IL1RL2: variants seen among roughly 807,000 people sequenced by gnomAD.
IL1RL2 encodes interleukin 1 receptor like 2.
Under a neutral mutation model 66.8 loss-of-function variants are expected in IL1RL2, and 68 were observed. That is an observed-to-expected ratio of 1.02 (90% CI 0.84 to 1.25). The LOEUF (loss-of-function observed/expected upper bound fraction) is 1.25. Among genes scored for constraint, IL1RL2 ranks in the 50% most tolerant of loss-of-function variants. The probability of loss-of-function intolerance (pLI) is 0.00; values close to 1 mark genes in which losing one functional copy is unlikely to be tolerated. For synonymous variants in IL1RL2, 305 were observed against 264.6 expected (o/e 1.15, Z -1.48); for missense variants, 729 against 709.3 (o/e 1.03, Z -0.32).
intron 8 of IL1RL2, among the ~76,000 whole-genome samples, chr2:102,224,887 A>G (rs35148944): frequency 6.6e-6 from 1 of 152,284 alleles, no homozygotes; most frequent in African/African-American, 2.4e-5. Context: ...TTTTAAAATT[A>G]AAGTGCTCTA....
Position 102,187,216 on chromosome 2 carries a change from C to A in IL1RL2, c.-13+130C>A, listed in dbSNP as rs920932698. ...CCAGGGATCAGGCCCCCCAGGCCGGCCCCCGACCGGCTAGGTGACCATGGG... is the reference window on the plus strand; with the variant it reads ...CCAGGGATCAGGCCCCCCAGGCCGGACCCCGACCGGCTAGGTGACCATGGG... On this transcript the variant is annotated intron_variant, in intron 1 of 11. Transcript: ENST00000264257. 4.1e-6 allele frequency: 5 copies of A among 1,206,164 alleles called. No homozygotes were observed. In the African/African-American group the frequency reaches 7.8e-5, roughly 19 times the overall value. 74.7% of individuals were successfully genotyped at this position (1,206,164 alleles called of 1,614,324 possible). A position where few individuals can be genotyped will look rare whatever the true frequency, so the allele number is the denominator to read the frequency against.
chr2:102,235,544 T>G (rs2104900971), intron 11 of IL1RL2: 4 of 985,420 alleles, frequency 4.1e-6, no homozygotes, highest in Non-Finnish European at 4.8e-6. Flanking sequence ...GAGGCCTGGA[T>G]GGATACAGCA....
intron 10 of IL1RL2, among the ~76,000 whole-genome samples, chr2:102,233,697 G>C (rs1674556224): frequency 2.0e-5 from 3 of 152,092 alleles, no homozygotes; most frequent in African/African-American, 7.2e-5. Flanking sequence ...ATGGGGATGG[G>C]GTGCTTCCCT....
intron 2 of IL1RL2, 91 bp downstream of exon 2, chr2:102,188,016 C>A (rs34547811): frequency 2.7e-5 from 36 of 1,314,826 alleles, no homozygotes; most frequent in African/African-American, 2.6e-4. Flanking sequence ...CGCGTCAGCC[C>A]GAGCGCGGCT....
chr2:102,233,330 G>T lies in IL1RL2; in HGVS notation c.1297+206G>T, dbSNP rs985034436. On this transcript the variant is annotated intron_variant, in intron 10 of 11. Transcript: ENST00000264257. Reference sequence around the variant, plus strand: ...CTTTGCCTGCTCTAGGCTCCTCCCTGCCCCGCAGTGCCTGAGATTCCTGCT... The same window carrying T: ...CTTTGCCTGCTCTAGGCTCCTCCCTTCCCCGCAGTGCCTGAGATTCCTGCT... 1.3e-5 allele frequency among the ~76,000 whole-genome samples: 2 copies of T among 152,022 alleles called. 1 individual carries two copies. Among genetic ancestry groups the T allele is most frequent in the Non-Finnish European group, 2.9e-5 (2 of 68,024 alleles).
intron 4 of IL1RL2, among the ~76,000 whole-genome samples, chr2:102,196,081 T>C (rs998245573): frequency 6.6e-6 from 1 of 152,108 alleles, no homozygotes; most frequent in Non-Finnish European, 1.5e-5. Flanking sequence ...TGCTTTTCCT[T>C]TTTCTGAAAT....
chr2:102,195,605 C>CTTTCTT (rs1338835476), intron 4 of IL1RL2, among the ~76,000 whole-genome samples: 1 of 17,860 alleles, frequency 5.6e-5, no homozygotes, highest in Non-Finnish European at 1.3e-4. Context: ...TTCTTTCTTT[C>CTTTCTT]TTTCTTTCTT....
chr2:102,239,400 G>T lies in IL1RL2; in HGVS notation c.*159G>T. The T allele has an allele frequency of 1.5e-6, 1 of 656,734 alleles. No homozygotes were observed. The highest frequency in any genetic ancestry group is 2.9e-5 in the East Asian group (1 of 34,134). 40.7% of individuals were successfully genotyped at this position (656,734 alleles called of 1,614,324 possible). A position where few individuals can be genotyped will look rare whatever the true frequency, so the allele number is the denominator to read the frequency against. On this transcript the variant is annotated 3_prime_UTR_variant, in exon 12 of 12. Transcript: ENST00000264257. ...AGAAGAGGAGGATGGGATAAGAACT[G>T]GGGCCATCCCCATGTCATGGTGGGT...
intron 9 of IL1RL2, 100 bp from the exon 10 acceptor site, chr2:102,232,863 C>A: frequency 7.3e-7 from 1 of 1,376,604 alleles, no homozygotes; most frequent in Non-Finnish European, 9.9e-7. Flanking sequence ...TCATGGAACC[C>A]AGGCCAAAGG....
At chr2:102,198,837 G>C (rs1358572250) in intron 4 of IL1RL2, among the ~76,000 whole-genome samples, 8 of 151,930 alleles carry the variant, frequency 5.3e-5, no homozygotes, top group Non-Finnish European at 1.2e-4. Context: ...TCTCCATATG[G>C]CTCCCAGTTC....
At chr2:102,199,456 G>GTA (rs1688050085) in intron 4 of IL1RL2, among the ~76,000 whole-genome samples, 1 of 152,178 alleles carries the variant, frequency 6.6e-6, no homozygotes, top group Non-Finnish European at 1.5e-5. Flanking sequence ...TATTGTACAT[G>GTA]CTGGGTCAGG....
intron 6 of IL1RL2, among the ~76,000 whole-genome samples, chr2:102,213,195 T>C (rs1181935267): frequency 6.6e-6 from 1 of 152,156 alleles, no homozygotes; most frequent in African/African-American, 2.4e-5. Context: ...TACTCTTGCT[T>C]TGAGAAATTT....
At chr2:102,208,705 T>C (rs1688907372) in intron 5 of IL1RL2, among the ~76,000 whole-genome samples, 1 of 152,236 alleles carries the variant, frequency 6.6e-6, no homozygotes, top group Non-Finnish European at 1.5e-5. Flanking sequence ...GGCCCTTTAC[T>C]CTGTACAGTC....
At chr2:102,188,039 C>G in intron 2 of IL1RL2, 114 bp downstream of exon 2, 1 of 965,730 alleles carries the variant, frequency 1.0e-6, no homozygotes, top group South Asian at 1.3e-5. Flanking sequence ...TTCCCCTCCC[C>G]AGACCGCCAG....
intron 3 of IL1RL2, among the ~76,000 whole-genome samples, chr2:102,190,832 G>A (rs907306997): frequency 1.3e-5 from 2 of 152,174 alleles, no homozygotes; most frequent in Non-Finnish European, 2.9e-5. Context: ...TCTGGGAGCT[G>A]TGAAATGAGG....
At chr2:102,226,897 G>A (rs1690667155) in intron 9 of IL1RL2, among the ~76,000 whole-genome samples, 1 of 152,236 alleles carries the variant, frequency 6.6e-6, no homozygotes, top group Non-Finnish European at 1.5e-5. Flanking sequence ...AGCGGGGCCT[G>A]GGCCACAGGG....
intron 5 of IL1RL2, among the ~76,000 whole-genome samples, chr2:102,205,709 T>C (rs1280724111): frequency 1.3e-5 from 2 of 152,210 alleles, no homozygotes; most frequent in African/African-American, 2.4e-5. Flanking sequence ...TGTCTTGACG[T>C]AGTCTCCTTT....
At chr2:102,195,965 C>T (rs755826218) in intron 4 of IL1RL2, among the ~76,000 whole-genome samples, 11 of 152,056 alleles carry the variant, frequency 7.2e-5, no homozygotes, top group African/African-American at 2.7e-4. Context: ...CCACTTGTCT[C>T]AGTCTCCCAA....
intron 5 of IL1RL2, among the ~76,000 whole-genome samples, chr2:102,209,812 G>T (rs1184664216): frequency 2.6e-5 from 4 of 152,136 alleles, no homozygotes; most frequent in African/African-American, 4.8e-5. Context: ...CCAAAAGAGT[G>T]CTGATAGTCT....
Sources: allele counts gnomAD v4.1 joint callset (sites outside exome capture counted in the v4.1 genomes callset), GRCh38; gene constraint gnomAD v4.1.1; transcripts MANE v1.5; gene names NCBI Gene and HGNC (gene_info 2026-07-23, HGNC 2026-07-21).